The following DNAH12 variants were observed in gnomAD, a reference collection of about 807,000 sequenced individuals.
DNAH12 encodes dynein axonemal heavy chain 12, also known as axonemal beta dynein heavy chain 12.
DNAH12 carries 285 observed loss-of-function variants against 371.5 expected under a neutral mutation model. The ratio of observed to expected loss-of-function variants is 0.77; its 90% CI spans 0.70 to 0.85. DNAH12 has a LOEUF of 0.85. DNAH12 is among the 40% of genes least tolerant of loss of function. DNAH12 has a pLI of 0.00. For synonymous variants in DNAH12, 1,200 were observed against 1,213.0 expected (o/e 0.99, Z 0.22); for missense variants, 3,611 against 3,689.4 (o/e 0.98, Z 0.55).
At chr3:57,365,935 C>A (rs989553982) in intron 57 of DNAH12, among the ~76,000 whole-genome samples, 45 of 151,872 alleles carry the variant, frequency 3.0e-4, no homozygotes, top group African/African-American at 9.4e-4. Context: ...ATTTCTGTCT[C>A]ATTCAGGTAC....
intron 71 of DNAH12, 21 bp downstream of exon 71, chr3:57,296,826 G>A (rs779165568): frequency 1.3e-6 from 2 of 1,549,928 alleles, no homozygotes; most frequent in South Asian, 2.4e-5. Flanking sequence ...ATATACTGTT[G>A]ACTTTAAGGA....
chr3:57,545,310 A>ATTT (rs11431996), upstream of DNAH12, among the ~76,000 whole-genome samples: 1 of 147,822 alleles, frequency 6.8e-6, no homozygotes, highest in Non-Finnish European at 1.5e-5. Context: ...AACCCGACTA[A>ATTT]TTTTTTTTCT....
At chr3:57,540,607 T>C (rs2153403117) in intron 2 of DNAH12, among the ~76,000 whole-genome samples, 1 of 152,242 alleles carries the variant, frequency 6.6e-6, no homozygotes, top group South Asian at 2.1e-4. Flanking sequence ...TTCAACATGA[T>C]AATGCAAGAT....
intron 25 of DNAH12, 145 bp downstream of exon 25, chr3:57,452,698 C>T (rs2065789966): frequency 1.3e-6 from 1 of 770,324 alleles, no homozygotes; most frequent in African/African-American, 1.8e-5. Context: ...AGTAAATATT[C>T]ACTATTATAA....
rs908007958 is a variant in DNAH12, at chr3:57,399,040, G to A, written c.6948+4269C>T. ...CATCCAGAACAAAAAATGGGGGAGGGGTGGAGCTATAAAGGGGTAACATTT... is the reference window on the plus strand; with the variant it reads ...CATCCAGAACAAAAAATGGGGGAGGAGTGGAGCTATAAAGGGGTAACATTT... On this transcript the variant is annotated intron_variant, in intron 43 of 73. Transcript: ENST00000495027. Among the ~76,000 whole-genome samples, 493 of 152,172 alleles carry A rather than the reference G, an allele frequency of 3.2e-3. 2 individuals carry two copies. The highest frequency in any genetic ancestry group is 5.0e-3 in the Non-Finnish European group (343 of 67,998).
intron 35 of DNAH12, among the ~76,000 whole-genome samples, chr3:57,422,736 C>A (rs1036592609): frequency 1.3e-5 from 2 of 152,152 alleles, no homozygotes; most frequent in Non-Finnish European, 2.9e-5. Context: ...TATATTTCCA[C>A]CTGTGAAAAT....
At chr3:57,411,541 AAAAAAAAAAAAAAAG>A (rs1158847869) in intron 39 of DNAH12, among the ~76,000 whole-genome samples, 18 of 146,226 alleles carry the variant, frequency 1.2e-4, no homozygotes, top group African/African-American at 2.5e-4. Context: ...AAAAAAAAAA[AAAAAAAAAAAAAAAG>A]AAAGAAAGAA....
chr3:57,309,252 G>A lies in DNAH12; in HGVS notation c.11088C>T (p.Leu3696=). Residue 3696 remains leucine (L), a splice_region_variant and synonymous_variant, in exon 69 of 74, where the codon CTC becomes CTT. Transcript: ENST00000495027. ...CCATTTCAATGTCGAAATCACTAGG[G>A]AGCTAAAAGAATAGATTTTGAAGAT... ...LEITKDILNK[L]PSDFDIEMAL... The A allele has an allele frequency of 6.5e-7, 1 of 1,537,798 alleles. No individual in the cohort carries two copies. The highest frequency in any genetic ancestry group is 2.4e-5 in the East Asian group (1 of 40,822).
At chr3:57,337,466 C>G (rs1321707815) in intron 60 of DNAH12, among the ~76,000 whole-genome samples, 1 of 152,150 alleles carries the variant, frequency 6.6e-6, no homozygotes, top group Non-Finnish European at 1.5e-5. Context: ...TCAGGACCAG[C>G]CTGACCAACA....
chr3:57,504,032 A>G lies in DNAH12; in HGVS notation c.1070T>C (p.Ile357Thr), dbSNP rs2067656874. The change falls in exon 9 of 74, where the codon ATA (isoleucine) becomes ACA (threonine). Residue 357 changes from isoleucine (I) to threonine (T), a missense_variant. This residue lies in a region of DNAH12 where 1,314 missense variants were observed against 1,398.7 expected (regional missense o/e 0.94). Coordinates refer to ENST00000495027, the MANE Select transcript of DNAH12 (RefSeq NM_001366028.2). ...EDNVLSLVER[I>T]AEALQNVQTI... ...ATGTAATACCTGCAGAGCTTCGGCT[A>G]TTCGTTCCACCAAACTCAAGACATT... The G allele has an allele frequency of 1.2e-6, 2 of 1,613,054 alleles. No individual in the cohort carries two copies. Among genetic ancestry groups the G allele is most frequent in the Non-Finnish European group, 1.7e-6 (2 of 1,179,358 alleles).
intron 43 of DNAH12, among the ~76,000 whole-genome samples, chr3:57,396,028 C>T (rs910105531): frequency 1.6e-4 from 24 of 151,688 alleles, no homozygotes; most frequent in Middle Eastern, 3.4e-3. Context: ...CCTGTAATCC[C>T]AGCAGTTTGG....
chr3:57,333,061 G>T (rs2062138076), intron 62 of DNAH12, among the ~76,000 whole-genome samples: 1 of 152,116 alleles, frequency 6.6e-6, no homozygotes, highest in Admixed American at 6.5e-5. Flanking sequence ...TTTAGGCTTT[G>T]TGGGACATAT....
intron 62 of DNAH12, 95 bp from the exon 63 acceptor site, chr3:57,323,714 C>T: frequency 7.7e-7 from 1 of 1,299,082 alleles, no homozygotes; most frequent in Non-Finnish European, 1.0e-6. Context: ...ACAATTTGAG[C>T]CTAATGGTCA....
intron 57 of DNAH12, among the ~76,000 whole-genome samples, chr3:57,365,350 A>G (rs2063026829): frequency 6.6e-6 from 1 of 152,172 alleles, no homozygotes; most frequent in Admixed American, 6.6e-5. Context: ...CAGCAAACTA[A>G]CACAAAAACA....
intron 43 of DNAH12, among the ~76,000 whole-genome samples, chr3:57,394,896 A>G (rs1279316206): frequency 6.6e-6 from 1 of 152,208 alleles, no homozygotes; most frequent in Non-Finnish European, 1.5e-5. Flanking sequence ...AATTCCTAAT[A>G]TAAGATATGG....
intron 45 of DNAH12, among the ~76,000 whole-genome samples, chr3:57,388,485 A>G (rs2063540772): frequency 6.6e-6 from 1 of 152,044 alleles, no homozygotes; most frequent in East Asian, 1.9e-4. Context: ...GCCTAAGCAC[A>G]TACTGCCAGT....
In DNAH12 at chr3:57,323,112, A is replaced by C; in HGVS notation, c.10278T>G (p.Leu3426=). ...CCAACATGGGCATCCAGGACACTGC[A>C]AGATGGCAATTCTGTAGGCACACCC... ...GTWVCLQNCH[L]AVSWMPMLEK... is the part of the protein sequence containing the mutation. The change falls in exon 64 of 74, where the codon CTT becomes CTG. Residue 3426 remains leucine, a synonymous_variant. Transcript: ENST00000495027. 2 of 1,552,450 alleles carry C rather than the reference A, an allele frequency of 1.3e-6. No individual in the cohort carries two copies. The highest frequency in any genetic ancestry group is 1.7e-6 in the Non-Finnish European group (2 of 1,147,162).
rs1182466919 is a variant in DNAH12 at position 57,376,221 on chromosome 3, G to GAA, written c.8466-258_8466-257dup. On this transcript the variant is annotated intron_variant, in intron 53 of 73. Coordinates refer to ENST00000495027, the MANE Select transcript of DNAH12 (RefSeq NM_001366028.2). ...TGCAGGACTTGGCCCTTCAGAAAAAGAAAAAAAAAAACAAAACCCAAACAC... is the reference window on the plus strand; with the variant it reads ...TGCAGGACTTGGCCCTTCAGAAAAAGAAAAAAAAAAAAACAAAACCCAAACAC... Among the ~76,000 whole-genome samples the GAA allele has an allele frequency of 3.1e-3, 427 of 138,236 alleles. 2 individuals carry two copies. The highest frequency in any genetic ancestry group is 0.011 in the African/African-American group (402 of 37,998). The allele number at this position is 138,236 out of a possible 152,430, so 90.7% of individuals were successfully genotyped here. A position where few individuals can be genotyped will look rare whatever the true frequency, so the allele number is the denominator to read the frequency against.
chr3:57,434,134 A>G (rs1030278156), intron 30 of DNAH12, among the ~76,000 whole-genome samples: 1 of 152,228 alleles, frequency 6.6e-6, no homozygotes, highest in Non-Finnish European at 1.5e-5. Flanking sequence ...GAGAACTGGG[A>G]AAGATTTATA....
Sources: gnomAD v4.1 joint callset for allele counts (sites outside exome capture counted in the v4.1 genomes callset) on GRCh38, gnomAD v4.1.1 for gene constraint, gnomAD v4.1.1 regional missense constraint, MANE v1.5 for transcripts, NCBI Gene and HGNC (gene_info 2026-07-23, HGNC 2026-07-21) for gene names.